Variants in ELFN1 observed in about 807,000 individuals in gnomAD.
ELFN1 encodes the protein extracellular leucine rich repeat and fibronectin type III domain containing 1, also known as protein ELFN1.
ELFN1 carries 6 observed loss-of-function variants against 7.6 expected under a neutral mutation model. The observed-to-expected ratio is 0.79, with a 90% confidence interval of 0.43 to 1.56. The LOEUF (loss-of-function observed/expected upper bound fraction) is 1.56. ELFN1 is among the 40% of genes most tolerant of loss of function. The pLI is 0.01. For missense variants in ELFN1, 1,169 were observed against 1,232.2 expected (o/e 0.95, Z 0.77); for synonymous variants, 657 against 588.1 (o/e 1.12, Z -1.70).
chr7:1,742,980 C>G (rs1443638515), intron 3 of ELFN1, among the ~76,000 whole-genome samples: 1 of 152,226 alleles, frequency 6.6e-6, no homozygotes, highest in South Asian at 2.1e-4. Flanking sequence ...GACTGTAAAT[C>G]CACATATTAA....
In ELFN1 at chr7:1,678,457, T is replaced by C. The variant is rs150976469; in HGVS notation, c.-549+8103T>C. 5.1e-3 allele frequency among the ~76,000 whole-genome samples: 780 copies of C among 152,266 alleles called. 13 individuals are homozygous for C. The highest frequency in any genetic ancestry group is 0.018 in the African/African-American group (751 of 41,550). Reference sequence around the variant, plus strand: ...CCCGGAGGGAGGTGCTGTGTGCCCATTTCACAGACCAGAAGGCCGAGGCAT... The same window carrying C: ...CCCGGAGGGAGGTGCTGTGTGCCCACTTCACAGACCAGAAGGCCGAGGCAT... On this transcript the variant is annotated intron_variant, in intron 1 of 3. Transcript: ENST00000424383.
intron 2 of ELFN1, among the ~76,000 whole-genome samples, chr7:1,707,685 C>A (rs924131055): frequency 1.1e-4 from 16 of 152,370 alleles, no homozygotes; most frequent in African/African-American, 3.6e-4. Context: ...TTCAAATACA[C>A]ACCATTATTA....
At position 1,670,299 on chromosome 7, in the gene ELFN1, C is replaced by A. The variant is rs1466572262; in HGVS notation, c.-604C>A. Among the ~76,000 whole-genome samples, 1 of 151,834 alleles carries A rather than the reference C, an allele frequency of 6.6e-6. No individual in the cohort carries two copies. Among genetic ancestry groups the A allele is most frequent in the African/African-American group, 2.4e-5 (1 of 41,362 alleles). On this transcript the variant is annotated 5_prime_UTR_variant, in exon 1 of 4. Transcript: ENST00000424383. This position sits in a 1 kb window ranked among gnomAD's most constrained non-coding sequence, Gnocchi z 6.4. ...TTCAATCCCGGGAGCGAAGTTAGAG[C>A]TTGAAGGACGGCGGCGGCTGCGGGC...
At chr7:1,714,349 G>A (rs1324670544) in intron 3 of ELFN1, among the ~76,000 whole-genome samples, 2 of 152,192 alleles carry the variant, frequency 1.3e-5, no homozygotes, top group Non-Finnish European at 2.9e-5. Context: ...AAGCAGCAGT[G>A]CAGGGCTGGG....
chr7:1,737,498 C>T (rs1186708040), intron 3 of ELFN1, among the ~76,000 whole-genome samples: 1 of 152,164 alleles, frequency 6.6e-6, no homozygotes, highest in Non-Finnish European at 1.5e-5. Context: ...CTCTCAGATG[C>T]GAAGCCACTC....
rs1215151213 is a variant in ELFN1, at chr7:1,670,289, G to A, written c.-614G>A. Among the ~76,000 whole-genome samples, 1 of 151,860 alleles carries A rather than the reference G, an allele frequency of 6.6e-6. No individual in the cohort carries two copies. Among genetic ancestry groups the A allele is most frequent in the Non-Finnish European group, 1.5e-5 (1 of 67,878 alleles). On this transcript the variant is annotated 5_prime_UTR_variant, in exon 1 of 4. Transcript: ENST00000424383. The surrounding 1 kb of genome is among the most constrained non-coding windows in gnomAD (Gnocchi z 6.4). ...GGGGAGGAATTTCAATCCCGGGAGC[G>A]AAGTTAGAGCTTGAAGGACGGCGGC...
chr7:1,746,897 G>A lies in ELFN1; in HGVS notation c.2301G>A (p.Glu767=). The change falls in exon 4 of 4, where the codon GAG becomes GAA. Residue 767 remains glutamate (E), a synonymous_variant. Coordinates refer to ENST00000424383, the MANE Select transcript of ELFN1 (RefSeq NM_001128636.4). ...YHSLSYSSSP[E]YTCRASQSIW... ...GCCTGAGCTACTCCTCCAGCCCCGAGTACACCTGCCGGGCCTCCCAGAGCA... is the reference window on the plus strand; with the variant it reads ...GCCTGAGCTACTCCTCCAGCCCCGAATACACCTGCCGGGCCTCCCAGAGCA... The A allele has an allele frequency of 2.6e-6, 4 of 1,547,474 alleles. No individual in the cohort carries two copies. The highest frequency in any genetic ancestry group is 3.5e-6 in the Non-Finnish European group (4 of 1,145,406).
chr7:1,717,695 G>A (rs1779876714), intron 3 of ELFN1, among the ~76,000 whole-genome samples: 1 of 152,180 alleles, frequency 6.6e-6, no homozygotes, highest in African/African-American at 2.4e-5. Context: ...ACTTAGAGGG[G>A]CACAGGGTGC....
In ELFN1 at chr7:1,745,192, TG is replaced by T; in HGVS notation, c.599del (p.Gly200AlafsTer160). 1 of 1,546,226 alleles carries T rather than the reference TG, an allele frequency of 6.5e-7. No individual in the cohort carries two copies. The part of the protein sequence containing the change: ...SNPFYCSCEL[L>X]GFLRWLAAFT... ...CCCTTCTACTGCTCCTGCGAGCTGC[TG>T]GGCTTCCTGCGCTGGCTGGCCGCCT... On this transcript the variant is annotated frameshift_variant, in exon 4 of 4. Coordinates refer to ENST00000424383, the MANE Select transcript of ELFN1 (RefSeq NM_001128636.4). LOFTEE classifies it low-confidence loss of function (END_TRUNC).
chr7:1,739,936 A>G lies in ELFN1; in HGVS notation c.-293-4368A>G, dbSNP rs1486615967. On this transcript the variant is annotated intron_variant, in intron 3 of 3. Coordinates refer to ENST00000424383, the MANE Select transcript of ELFN1 (RefSeq NM_001128636.4). This position sits in a 1 kb window ranked among gnomAD's most constrained non-coding sequence, Gnocchi z 4.6. ...ATGAGGCAGAGGCTGGAAGTTACAC[A>G]GGTCAAGTTGGTTTGTTTTATGGAA... Among the ~76,000 whole-genome samples the G allele has an allele frequency of 6.6e-6, 1 of 152,184 alleles. No homozygotes were observed. The highest frequency in any genetic ancestry group is 2.4e-5 in the African/African-American group (1 of 41,440).
At chr7:1,728,698 T>C (rs1780259296) in intron 3 of ELFN1, among the ~76,000 whole-genome samples, 1 of 151,668 alleles carries the variant, frequency 6.6e-6, no homozygotes, top group African/African-American at 2.4e-5. Flanking sequence ...AACCCCAGGG[T>C]GATGTTAGTA....
intron 3 of ELFN1, among the ~76,000 whole-genome samples, chr7:1,726,685 AG>A (rs1780206388): frequency 6.6e-6 from 1 of 152,182 alleles, no homozygotes. Context: ...ACAGGTGAGC[AG>A]GTGGGAGGTG....
At chr7:1,724,225 C>A (rs1174370621) in intron 3 of ELFN1, among the ~76,000 whole-genome samples, 2 of 152,232 alleles carry the variant, frequency 1.3e-5, no homozygotes, top group Non-Finnish European at 2.9e-5. Context: ...TCAGCATGAG[C>A]TTTTGTGATC....
intron 3 of ELFN1, among the ~76,000 whole-genome samples, chr7:1,734,581 C>G (rs1432674353): frequency 6.6e-6 from 1 of 152,222 alleles, no homozygotes; most frequent in African/African-American, 2.4e-5. Context: ...CAGGCACCCC[C>G]TTCCCGACCT....
At chr7:1,708,198 G>T (rs1428994148) in intron 2 of ELFN1, among the ~76,000 whole-genome samples, 1 of 152,222 alleles carries the variant, frequency 6.6e-6, no homozygotes, top group Non-Finnish European at 1.5e-5. Flanking sequence ...TGCGACCCTG[G>T]CAGGACGACT....
At chr7:1,686,252 G>A (rs1283139018) in intron 1 of ELFN1, among the ~76,000 whole-genome samples, 1 of 150,618 alleles carries the variant, frequency 6.6e-6, no homozygotes, top group Non-Finnish European at 1.5e-5. Flanking sequence ...CTGAAGCTGT[G>A]AAATTCATTT....
At chr7:1,725,407 C>T (rs1780161232) in intron 3 of ELFN1, among the ~76,000 whole-genome samples, 2 of 149,580 alleles carry the variant, frequency 1.3e-5, no homozygotes, top group African/African-American at 4.9e-5. Flanking sequence ...GTGCGTGTGT[C>T]TGCCAGGTCG....
chr7:1,674,865 GC>G (rs1367889545), intron 1 of ELFN1, among the ~76,000 whole-genome samples: 1 of 152,132 alleles, frequency 6.6e-6, no homozygotes, highest in Admixed American at 6.5e-5. Context: ...TTCGGCCCGG[GC>G]CAGCCCAGCC....
chr7:1,678,894 G>T (rs1778922165), intron 1 of ELFN1, among the ~76,000 whole-genome samples: 1 of 152,228 alleles, frequency 6.6e-6, no homozygotes, highest in Non-Finnish European at 1.5e-5. Context: ...TGTGAACTGG[G>T]ATTTGGAGCA....
Sources: allele counts gnomAD v4.1 joint callset (sites outside exome capture counted in the v4.1 genomes callset), GRCh38; gene constraint gnomAD v4.1.1; non-coding constraint Gnocchi (gnomAD v3.1); transcripts MANE v1.5; gene names NCBI Gene and HGNC (gene_info 2026-07-23, HGNC 2026-07-21).